PTPRF: variants seen among roughly 807,000 people sequenced by gnomAD.
PTPRF encodes the protein receptor-type tyrosine-protein phosphatase F.
PTPRF carries 59 observed loss-of-function variants against 201.8 expected under a neutral mutation model. The ratio of observed to expected loss-of-function variants is 0.29; its 90% CI spans 0.24 to 0.36. The LOEUF (loss-of-function observed/expected upper bound fraction) is 0.36. PTPRF is among the 10% of genes least tolerant of loss of function. The pLI is 1.00. For missense variants in PTPRF, 2,132 were observed against 2,690.5 expected (o/e 0.79, Z 4.59); for synonymous variants, 1,088 against 1,089.7 (o/e 1.00, Z 0.03).
Position 43,537,126 on chromosome 1 carries a change from C to T in PTPRF, c.-125-1072C>T, listed in dbSNP as rs1429485197. Among the ~76,000 whole-genome samples the T allele has an allele frequency of 4.6e-5, 7 of 152,058 alleles. No homozygotes were observed. The highest frequency in any genetic ancestry group is 1.2e-4 in the African/African-American group (5 of 41,390). On this transcript the variant is annotated intron_variant, in intron 1 of 33. Coordinates refer to ENST00000359947, the MANE Select transcript of PTPRF (RefSeq NM_002840.5). This position sits in a 1 kb window ranked among gnomAD's most constrained non-coding sequence, Gnocchi z 4.8. ...GAAGCCTGCTGCAAGGTGCAGCTTG[C>T]GTCGAGTAGGCCAAACAGCTGAGCT...
rs1404002460 is a variant in PTPRF, at chr1:43,605,345, C to T, written c.3291C>T (p.Pro1097=). The T allele has an allele frequency of 8.7e-6, 14 of 1,613,740 alleles. No individual in the cohort carries two copies. The highest frequency in any genetic ancestry group is 4.4e-5 in the South Asian group (4 of 91,082). The change falls in exon 18 of 34, where the codon CCC becomes CCT. Residue 1097 remains proline, a synonymous_variant. Transcript: ENST00000359947. The stretch of plus-strand genomic sequence containing the variant: ...ACCTGGTGTCCATCCGCACAGCCCC[C>T]GACCTCCTGCCTCACAAGCCGCTGC... ...LQHLVSIRTA[P]DLLPHKPLPA...
intron 6 of PTPRF, chr1:43,575,875 C>T: frequency 1.5e-6 from 2 of 1,353,530 alleles, no homozygotes; most frequent in Non-Finnish European, 2.0e-6. Context: ...TAATGCTTCT[C>T]TCTGATCTTA....
intron 5 of PTPRF, among the ~76,000 whole-genome samples, chr1:43,564,533 T>C (rs1431871197): frequency 6.6e-6 from 1 of 152,206 alleles, no homozygotes; most frequent in Non-Finnish European, 1.5e-5. Flanking sequence ...TGCTAGTCAC[T>C]GCAGGTGCCC....
rs376124760 is a variant in PTPRF at position 43,620,978 on chromosome 1, C to A, written c.5505C>A (p.Ile1835=). 1.9e-6 allele frequency: 3 copies of A among 1,613,476 alleles called. No individual in the cohort carries two copies. The African/African-American group carries it at 4.0e-5, about 22-fold the overall frequency. ...AGCAGTTTGGACAGGATGGGCCTAT[C>A]ACGGTGCACTGCAGGTGGGACTGGC... The part of the protein sequence containing the change: ...TKEQFGQDGP[I]TVHCSAGVGR... Residue 1835 remains isoleucine, a synonymous_variant, in exon 32 of 34, where the codon ATC becomes ATA. Coordinates refer to ENST00000359947, the MANE Select transcript of PTPRF (RefSeq NM_002840.5).
intron 5 of PTPRF, among the ~76,000 whole-genome samples, chr1:43,565,536 G>A (rs1436161514): frequency 2.0e-5 from 3 of 152,102 alleles, no homozygotes; most frequent in Admixed American, 2.0e-4. Context: ...GGGCTCTTGG[G>A]TACCTCTGAA....
In PTPRF at chr1:43,619,378, C is replaced by T. The variant is rs2230668; in HGVS notation, c.4737C>T (p.His1579=). The T allele has an allele frequency of 1.6e-4, 264 of 1,614,058 alleles. 3 individuals carry two copies. Among genetic ancestry groups the T allele is most frequent in the South Asian group, 1.6e-3 (143 of 91,088 alleles). The change falls in exon 28 of 34, where the codon CAC becomes CAT. Residue 1579 remains histidine (H), a synonymous_variant. Transcript: ENST00000359947. ...KHEKTVDIYG[H]VTCMRSQRNY... is the part of the protein sequence containing the mutation. The stretch of plus-strand genomic sequence containing the variant: ...AGAAGACGGTGGACATCTATGGCCA[C>T]GTGACCTGCATGCGATCACAGAGGA...
At chr1:43,568,141 C>A (rs1357923071) in intron 5 of PTPRF, among the ~76,000 whole-genome samples, 1 of 151,914 alleles carries the variant, frequency 6.6e-6, no homozygotes, top group Non-Finnish European at 1.5e-5. Context: ...ACTAAAAATA[C>A]AAAATTTGCC....
chr1:43,621,390 C>G (rs923288443), intron 33 of PTPRF, among the ~76,000 whole-genome samples, 158 bp downstream of exon 33: 1 of 152,210 alleles, frequency 6.6e-6, no homozygotes, highest in African/African-American at 2.4e-5. Context: ...TGCTTATGGT[C>G]CTACCTACTT....
In PTPRF at chr1:43,604,978, A is replaced by C; in HGVS notation, c.3113A>C (p.Tyr1038Ser). Reference sequence around the variant, plus strand: ...CTCAGCTGGGAGGTTCCCGACTCCTATAAGTCAGCTGTGCCCTTTAAGGTG... The same window carrying C: ...CTCAGCTGGGAGGTTCCCGACTCCTCTAAGTCAGCTGTGCCCTTTAAGGTG... Reference protein sequence around the residue: ...VLLSWEVPDSYKSAVPFKILY... With the variant: ...VLLSWEVPDSSKSAVPFKILY... The change falls in exon 17 of 34, where the codon TAT becomes TCT. Residue 1038 changes from tyrosine to serine, a missense_variant. Coordinates refer to ENST00000359947, the MANE Select transcript of PTPRF (RefSeq NM_002840.5). 1.2e-6 allele frequency: 2 copies of C among 1,614,128 alleles called. No individual in the cohort carries two copies. The highest frequency in any genetic ancestry group is 4.5e-5 in the East Asian group (2 of 44,880).
chr1:43,536,888 C>G (rs1304479639), intron 1 of PTPRF, among the ~76,000 whole-genome samples: 1 of 152,154 alleles, frequency 6.6e-6, no homozygotes. Context: ...GAGAGTACCC[C>G]CATATTGGCA....
At chr1:43,595,842 C>G (rs1300613177) in intron 11 of PTPRF, among the ~76,000 whole-genome samples, 2 of 151,882 alleles carry the variant, frequency 1.3e-5, no homozygotes. Context: ...AGGAGGCAGG[C>G]AAAGGGAGCT....
chr1:43,571,199 C>A (rs1023408552), intron 6 of PTPRF, among the ~76,000 whole-genome samples: 6 of 152,220 alleles, frequency 3.9e-5, no homozygotes, highest in Non-Finnish European at 5.9e-5. Flanking sequence ...TAACATTCCT[C>A]CCTCCTTCCC....
At chr1:43,552,749 T>C (rs1199448634) in intron 3 of PTPRF, among the ~76,000 whole-genome samples, 1 of 152,072 alleles carries the variant, frequency 6.6e-6, no homozygotes, top group East Asian at 1.9e-4. Flanking sequence ...CCCTGGTATG[T>C]GTACTGAGGT....
chr1:43,606,276 C>T lies in PTPRF; in HGVS notation c.3520C>T (p.Arg1174Trp), dbSNP rs549143666. 67 of 1,606,750 alleles carry T rather than the reference C, an allele frequency of 4.2e-5. No individual in the cohort carries two copies. Among genetic ancestry groups the T allele is most frequent in the Non-Finnish European group, 5.2e-5 (61 of 1,176,790 alleles). The change falls in exon 20 of 34, where the codon CGG becomes TGG. Residue 1174 changes from arginine to tryptophan, a missense_variant. Around this residue, in one of 6 missense-constraint regions of PTPRF, gnomAD observed 818 missense variants for 915.3 expected, o/e 0.89. Transcript: ENST00000359947. Reference protein sequence around the residue: ...EAIEQGGEEQRRRRRQAERLK... With the variant: ...EAIEQGGEEQWRRRRQAERLK... ...CATCGAGCAAGGCGGAGAGGAGCAGCGGCGGCGGCGGCGGCAGGCAGAACG... is the reference window on the plus strand; with the variant it reads ...CATCGAGCAAGGCGGAGAGGAGCAGTGGCGGCGGCGGCGGCAGGCAGAACG...
intron 11 of PTPRF, among the ~76,000 whole-genome samples, chr1:43,596,572 G>A (rs189323130): frequency 2.6e-5 from 4 of 152,278 alleles, no homozygotes; most frequent in African/African-American, 7.2e-5. Flanking sequence ...TTTTCTCCAC[G>A]CCAGGGGCTG....
rs897137981 is a variant in PTPRF at position 43,606,980 on chromosome 1, C to T, written c.3857+12C>T. 12 of 1,612,312 alleles carry T rather than the reference C, an allele frequency of 7.4e-6. No homozygotes were observed. Among genetic ancestry groups the T allele is most frequent in the Non-Finnish European group, 1.0e-5 (12 of 1,179,120 alleles). On this transcript the variant is annotated intron_variant, in intron 21 of 33. Coordinates refer to ENST00000359947, the MANE Select transcript of PTPRF (RefSeq NM_002840.5). ...CTCTTGTTCAAAAGGTGAGCACTGC[C>T]CTCAGAGCTCCGGGAACGGCCACCT...
intron 12 of PTPRF, 174 bp downstream of exon 12, chr1:43,598,227 C>G: frequency 3.0e-6 from 2 of 657,970 alleles, no homozygotes; most frequent in Non-Finnish European, 4.7e-6. Context: ...GGCCCAAATC[C>G]CAGCCTTTGG....
At position 43,620,589 on chromosome 1, in the gene PTPRF, T is replaced by A; in HGVS notation, c.5364+10T>A. ...GGTCACGGATGCCCGGGTGAGTGAGTGCATTGAGTGTGTCCATAACGCTGC... is the reference window on the plus strand; with the variant it reads ...GGTCACGGATGCCCGGGTGAGTGAGAGCATTGAGTGTGTCCATAACGCTGC... On this transcript the variant is annotated intron_variant, in intron 31 of 33. Transcript: ENST00000359947. 1 of 1,612,656 alleles carries A rather than the reference T, an allele frequency of 6.2e-7. No individual in the cohort carries two copies. Among genetic ancestry groups the A allele is most frequent in the Non-Finnish European group, 8.5e-7 (1 of 1,179,150 alleles).
chr1:43,533,174 ATTCC>A (rs942868987), intron 1 of PTPRF, among the ~76,000 whole-genome samples: 1 of 151,676 alleles, frequency 6.6e-6, no homozygotes, highest in African/African-American at 2.4e-5. Context: ...TTTTAACATA[ATTCC>A]TTCCTTCCTT....
Sources: gnomAD v4.1 joint callset for allele counts (sites outside exome capture counted in the v4.1 genomes callset) on GRCh38, gnomAD v4.1.1 for gene constraint, gnomAD v4.1.1 regional missense constraint, Gnocchi (gnomAD v3.1) non-coding constraint, MANE v1.5 for transcripts, NCBI Gene and HGNC (gene_info 2026-07-23, HGNC 2026-07-21) for gene names.